NFIB: variants seen among roughly 807,000 people sequenced by gnomAD.
The protein encoded by NFIB is nuclear factor 1 B-type.
A neutral mutation model predicts 61.5 loss-of-function variants in NFIB; 11 were observed. The observed-to-expected ratio is 0.18, with a 90% CI of 0.11 to 0.30. NFIB has a LOEUF of 0.30. Among genes scored for constraint, NFIB ranks in the 10% least tolerant of loss-of-function variants. NFIB has a pLI of 1.00. For synonymous variants in NFIB, 260 were observed against 216.5 expected (o/e 1.20, Z -1.76); for missense variants, 471 against 608.9 (o/e 0.77, Z 2.38).
the NFIB span, among the ~76,000 whole-genome samples, chr9:14,450,546 T>G: frequency 6.6e-6 from 1 of 152,156 alleles, no homozygotes; most frequent in Admixed American, 6.5e-5. Context: ...CCCCACTCTG[T>G]GTACTCCGAT....
the NFIB span, among the ~76,000 whole-genome samples, chr9:14,417,873 C>T: frequency 2.0e-5 from 3 of 150,836 alleles, no homozygotes; most frequent in South Asian, 2.1e-4. Flanking sequence ...CTCTGCCTCC[C>T]GAGTTCAAGT....
intron 2 of NFIB, among the ~76,000 whole-genome samples, chr9:14,192,318 C>T (rs1361542595): frequency 6.6e-6 from 1 of 152,188 alleles, no homozygotes; most frequent in African/African-American, 2.4e-5. Context: ...AGTAACTCAA[C>T]ACCAGTAAGA....
intron 10 of NFIB, among the ~76,000 whole-genome samples, chr9:14,097,982 A>G (rs2035134879): frequency 6.6e-6 from 1 of 150,458 alleles, no homozygotes. Flanking sequence ...CTAGAATTGC[A>G]GTAATAAACG....
At chr9:14,144,569 T>C (rs2042090788) in intron 6 of NFIB, among the ~76,000 whole-genome samples, 2 of 152,224 alleles carry the variant, frequency 1.3e-5, no homozygotes, top group South Asian at 2.1e-4. Context: ...ATTGTACTCC[T>C]ACTACGCACC....
chr9:14,276,799 T>G (rs1334013378), intron 2 of NFIB, among the ~76,000 whole-genome samples: 1 of 152,120 alleles, frequency 6.6e-6, no homozygotes, highest in Non-Finnish European at 1.5e-5. Context: ...ATATCTGTCT[T>G]ATTAATATAG....
chr9:14,165,087 A>T (rs1240990997), intron 3 of NFIB, among the ~76,000 whole-genome samples: 1 of 152,184 alleles, frequency 6.6e-6, no homozygotes, highest in Non-Finnish European at 1.5e-5. Flanking sequence ...TGTACTTAAA[A>T]ATTTGACAAT....
the NFIB span, among the ~76,000 whole-genome samples, chr9:14,476,439 T>G: frequency 1.2e-4 from 19 of 152,308 alleles, no homozygotes; most frequent in Non-Finnish European, 4.4e-5. Flanking sequence ...CAGATCAGTG[T>G]TCATGCTCAG....
chr9:14,334,990 T>C (rs1453179207), intron 1 of NFIB, among the ~76,000 whole-genome samples: 2 of 152,252 alleles, frequency 1.3e-5, no homozygotes, highest in African/African-American at 4.8e-5. Flanking sequence ...ATTTTGATAT[T>C]CATCCATGTT....
intron 2 of NFIB, among the ~76,000 whole-genome samples, chr9:14,285,860 TGTAA>T (rs2058674683): frequency 6.6e-6 from 1 of 151,752 alleles, no homozygotes; most frequent in African/African-American, 2.4e-5. Flanking sequence ...AGCCTTAACT[TGTAA>T]GATTGGTATT....
chr9:14,214,478 C>T (rs958066838), intron 2 of NFIB, among the ~76,000 whole-genome samples: 1 of 152,216 alleles, frequency 6.6e-6, no homozygotes, highest in East Asian at 1.9e-4. Flanking sequence ...GCACACATTA[C>T]CACATCCCAT....
chr9:14,347,967 T>C (rs1431506260), intron 1 of NFIB, among the ~76,000 whole-genome samples: 1 of 152,138 alleles, frequency 6.6e-6, no homozygotes, highest in Non-Finnish European at 1.5e-5. Flanking sequence ...GCGCACCACG[T>C]GCGCTCGCGG....
chr9:14,087,227 A>G lies in NFIB; in HGVS notation c.*1082T>C, dbSNP rs76049414. 0.014 allele frequency: 2,838 copies of G among 203,490 alleles called. 33 individuals are homozygous for G. The highest frequency in any genetic ancestry group is 0.019 in the Non-Finnish European group (1,911 of 98,890). 12.6% of individuals were successfully genotyped at this position (203,490 alleles called of 1,614,324 possible). A position where few individuals can be genotyped will look rare whatever the true frequency, so the allele number is the denominator to read the frequency against. ...CCAAGGAGGCTGCAGCTAAACCAAC[A>G]TAAGTGCTGTGTTTTCATTAATTTT... On this transcript the variant is annotated 3_prime_UTR_variant, in exon 11 of 11. Transcript: ENST00000380953.
intron 1 of NFIB, among the ~76,000 whole-genome samples, chr9:14,371,568 G>A (rs993923647): frequency 6.6e-6 from 1 of 152,162 alleles, no homozygotes; most frequent in African/African-American, 2.4e-5. Context: ...GGAACACCTA[G>A]GCTACATTTG....
chr9:14,328,827 A>T (rs181213963), intron 1 of NFIB, among the ~76,000 whole-genome samples: 1 of 152,356 alleles, frequency 6.6e-6, no homozygotes, highest in Non-Finnish European at 1.5e-5. Flanking sequence ...ATAAGAGATT[A>T]AGAAACAAAA....
chr9:14,118,064 G>T (rs1226418167), intron 8 of NFIB, among the ~76,000 whole-genome samples: 1 of 151,940 alleles, frequency 6.6e-6, no homozygotes, highest in Non-Finnish European at 1.5e-5. Context: ...TTTTGAGTTG[G>T]AGTTAAAAAT....
At chr9:14,370,020 T>C (rs1343072717) in intron 1 of NFIB, among the ~76,000 whole-genome samples, 1 of 152,232 alleles carries the variant, frequency 6.6e-6, no homozygotes, top group Non-Finnish European at 1.5e-5. Flanking sequence ...CAGCTTTTCC[T>C]GTCACTCACC....
chr9:14,402,438 TC>T (rs2061752147), upstream of NFIB, among the ~76,000 whole-genome samples: 1 of 152,216 alleles, frequency 6.6e-6, no homozygotes, highest in Non-Finnish European at 1.5e-5. Context: ...GAAGTAAAGG[TC>T]CTTTTTTTAA....
At chr9:14,514,282 G>A in the NFIB span, among the ~76,000 whole-genome samples, 39 of 150,086 alleles carry the variant, frequency 2.6e-4, no homozygotes, top group African/African-American at 8.6e-4. Flanking sequence ...ATTTCCTAAC[G>A]CGTATTTTAT....
Position 14,152,712 on chromosome 9 carries a change from T to A in NFIB, c.686-2447A>T, listed in dbSNP as rs904098093. Among the ~76,000 whole-genome samples, 4 of 152,152 alleles carry A rather than the reference T, an allele frequency of 2.6e-5. No individual in the cohort carries two copies. In the South Asian group the frequency reaches 8.3e-4, roughly 32 times the overall value. ...TGTAATTTGTAGTAAATGATAATTT[T>A]AAAATCTTCAGAAATTGTTTTTTTC... On this transcript the variant is annotated intron_variant, in intron 4 of 10. Transcript: ENST00000380953.
Sources: allele counts gnomAD v4.1 joint callset (sites outside exome capture counted in the v4.1 genomes callset), GRCh38; gene constraint gnomAD v4.1.1; transcripts MANE v1.5; gene names NCBI Gene and HGNC (gene_info 2026-07-23, HGNC 2026-07-21).